The following TMEM131 variants were observed in gnomAD, a reference collection of about 807,000 sequenced individuals.
The protein encoded by TMEM131 is transmembrane protein 131.
Under a neutral mutation model 211.6 loss-of-function variants are expected in TMEM131, and 66 were observed. The observed-to-expected ratio is 0.31, with a 90% CI of 0.26 to 0.38. The LOEUF is 0.38. Among genes scored for constraint, TMEM131 ranks in the 10% least tolerant of loss-of-function variants. The pLI, the probability that TMEM131 is intolerant of heterozygous loss-of-function variation, is 1.00. For synonymous variants in TMEM131, 844 were observed against 841.3 expected (o/e 1.00, Z -0.06); for missense variants, 2,036 against 2,299.3 (o/e 0.89, Z 2.34).
chr2:97,776,113 G>A, intron 31 of TMEM131, 95 bp from the exon 32 acceptor site: 1 of 1,304,480 alleles, frequency 7.7e-7, no homozygotes, highest in Non-Finnish European at 1.0e-6. Context: ...GAGTGCAGTG[G>A]CGAGATCTTG....
chr2:97,825,738 C>A (rs183161460), intron 11 of TMEM131, among the ~76,000 whole-genome samples: 1 of 152,212 alleles, frequency 6.6e-6, no homozygotes, highest in Non-Finnish European at 1.5e-5. Flanking sequence ...CCACAACCAG[C>A]GGCATACCTA....
chr2:97,814,319 C>T lies in TMEM131; in HGVS notation c.1362G>A (p.Arg454=), dbSNP rs866747860. Residue 454 remains arginine (R), a synonymous_variant, in exon 14 of 41, where the codon AGG becomes AGA. Transcript: ENST00000186436. ...IRDSPADPVE[R]PIYLTNTFSF... is the part of the protein sequence containing the mutation. ...TGAAAGTGTTAGTAAGGTAAATTGG[C>T]CTTTCCACAGGATCAGCAGGGCTGT... 1 of 1,613,730 alleles carries T rather than the reference C, an allele frequency of 6.2e-7. No individual in the cohort carries two copies. Among genetic ancestry groups the T allele is most frequent in the Middle Eastern group, 1.6e-4 (1 of 6,062 alleles).
intron 4 of TMEM131, among the ~76,000 whole-genome samples, chr2:97,884,568 G>C (rs1675065070): frequency 6.6e-6 from 1 of 152,178 alleles, no homozygotes; most frequent in South Asian, 2.1e-4. Context: ...TCTCCCTTTA[G>C]ATCTAATAGT....
chr2:97,768,643 T>G (rs1343034261), intron 33 of TMEM131, among the ~76,000 whole-genome samples: 1 of 152,140 alleles, frequency 6.6e-6, no homozygotes, highest in Non-Finnish European at 1.5e-5. Flanking sequence ...CAGGCTGGAG[T>G]GCAGTGGCAC....
At chr2:97,852,115 A>C (rs1006537262) in intron 5 of TMEM131, among the ~76,000 whole-genome samples, 1 of 152,054 alleles carries the variant, frequency 6.6e-6, no homozygotes, top group Admixed American at 6.6e-5. Context: ...GATAGGGATA[A>C]AGCTTTAGTG....
At chr2:97,795,244 C>G in intron 28 of TMEM131, 129 bp from the exon 29 acceptor site, 1 of 577,974 alleles carries the variant, frequency 1.7e-6, no homozygotes, top group South Asian at 2.9e-5. Flanking sequence ...ACTCAACTTC[C>G]GTATTTTAAG....
At chr2:97,791,668 C>T (rs539605153) in intron 31 of TMEM131, among the ~76,000 whole-genome samples, 1 of 152,284 alleles carries the variant, frequency 6.6e-6, no homozygotes, top group East Asian at 1.9e-4. Context: ...CATGGGACCC[C>T]GCTAAGCTGT....
intron 31 of TMEM131, among the ~76,000 whole-genome samples, chr2:97,779,168 T>C (rs2104831503): frequency 6.6e-6 from 1 of 152,272 alleles, no homozygotes; most frequent in African/African-American, 2.4e-5. Context: ...GAGCCACTGG[T>C]CCATGGTATC....
intron 12 of TMEM131, among the ~76,000 whole-genome samples, chr2:97,816,525 G>A (rs1382613488): frequency 6.6e-6 from 1 of 152,028 alleles, no homozygotes; most frequent in African/African-American, 2.4e-5. Context: ...TGTGAGTTCC[G>A]CAAATGTGTG....
intron 4 of TMEM131, among the ~76,000 whole-genome samples, chr2:97,883,995 T>C (rs1381675872): frequency 6.6e-6 from 1 of 152,214 alleles, no homozygotes; most frequent in Non-Finnish European, 1.5e-5. Flanking sequence ...TTTCTAGTTC[T>C]TTAAGATGCA....
chr2:97,817,115 T>G (rs1012441750), intron 12 of TMEM131, among the ~76,000 whole-genome samples: 6 of 152,208 alleles, frequency 3.9e-5, no homozygotes, highest in Non-Finnish European at 8.8e-5. Flanking sequence ...TCTTAGAGCC[T>G]ACGATCTCAG....
chr2:97,897,674 A>G (rs867357482), intron 3 of TMEM131, among the ~76,000 whole-genome samples: 1 of 152,132 alleles, frequency 6.6e-6, no homozygotes, highest in Admixed American at 6.5e-5. Context: ...ATTTCTGAAT[A>G]TATGTTTGAA....
At chr2:97,910,125 T>G (rs2104375829) in intron 2 of TMEM131, among the ~76,000 whole-genome samples, 1 of 152,256 alleles carries the variant, frequency 6.6e-6, no homozygotes, top group African/African-American at 2.4e-5. Flanking sequence ...CTTTAAAAGA[T>G]GCTCAACATC....
chr2:97,991,024 A>C (rs935340677), intron 1 of TMEM131, among the ~76,000 whole-genome samples: 2 of 152,210 alleles, frequency 1.3e-5, no homozygotes, highest in African/African-American at 4.8e-5. Context: ...AATTTATTCG[A>C]ATTTATATTT....
chr2:97,927,087 T>C (rs1677022430), intron 2 of TMEM131, among the ~76,000 whole-genome samples: 1 of 152,228 alleles, frequency 6.6e-6, no homozygotes, highest in East Asian at 1.9e-4. Context: ...CAGTTTTTAT[T>C]CAGTTTTAAA....
intron 31 of TMEM131, among the ~76,000 whole-genome samples, chr2:97,783,482 A>G (rs1680109218): frequency 6.6e-6 from 1 of 152,142 alleles, no homozygotes; most frequent in South Asian, 2.1e-4. Context: ...TATGTAGAGG[A>G]AATATTTAAG....
At chr2:97,848,053 C>G (rs552806912) in intron 5 of TMEM131, among the ~76,000 whole-genome samples, 1 of 152,084 alleles carries the variant, frequency 6.6e-6, no homozygotes, top group South Asian at 2.1e-4. Context: ...AATATAAAGC[C>G]ACAGTTATCA....
chr2:97,867,678 G>A (rs958980779), intron 4 of TMEM131, among the ~76,000 whole-genome samples: 1 of 152,188 alleles, frequency 6.6e-6, no homozygotes, highest in Non-Finnish European at 1.5e-5. Context: ...AGTGGGGTGG[G>A]TGAAGAGAGA....
intron 11 of TMEM131, among the ~76,000 whole-genome samples, chr2:97,830,418 T>C (rs1682621580): frequency 6.6e-6 from 1 of 152,252 alleles, no homozygotes; most frequent in African/African-American, 2.4e-5. Flanking sequence ...AATATAGTTC[T>C]AGGCTTTTCT....
Sources: allele counts gnomAD v4.1 joint callset (sites outside exome capture counted in the v4.1 genomes callset), GRCh38; gene constraint gnomAD v4.1.1; transcripts MANE v1.5; gene names NCBI Gene and HGNC (gene_info 2026-07-23, HGNC 2026-07-21).